Variants in KHDRBS2 observed in about 807,000 individuals in gnomAD.
KHDRBS2 encodes KH domain-containing, RNA-binding, signal transduction-associated protein 2.
In KHDRBS2, 26 loss-of-function variants were observed where a neutral mutation model predicts 44.3. That is an observed-to-expected ratio of 0.59 (90% CI 0.43 to 0.81). KHDRBS2 has a LOEUF of 0.81. Among genes scored for constraint, KHDRBS2 ranks in the 40% least tolerant of loss-of-function variants. KHDRBS2 has a pLI of 0.00. For missense variants in KHDRBS2, 476 were observed against 433.1 expected (o/e 1.10, Z -0.88); for synonymous variants, 194 against 151.1 (o/e 1.28, Z -2.08).
At chr6:62,059,008 A>G (rs1790972320) in intron 2 of KHDRBS2, among the ~76,000 whole-genome samples, 1 of 151,662 alleles carries the variant, frequency 6.6e-6, no homozygotes, top group South Asian at 2.1e-4. Flanking sequence ...AACTTAGGAA[A>G]CATATGAAAG....
At chr6:61,804,190 C>T (rs112376937) in intron 6 of KHDRBS2, among the ~76,000 whole-genome samples, 2,104 of 152,172 alleles carry the variant, frequency 0.014, 46 homozygotes, top group African/African-American at 0.043. Flanking sequence ...TTGGCCAAAA[C>T]GAAGGGACTA....
At chr6:61,852,489 G>A (rs1409281205) in intron 6 of KHDRBS2, among the ~76,000 whole-genome samples, 6 of 151,668 alleles carry the variant, frequency 4.0e-5, no homozygotes, top group East Asian at 3.9e-4. Context: ...ATTTGAACCC[G>A]GGAGGCAGAG....
At chr6:62,169,578 T>C (rs560804885) in intron 2 of KHDRBS2, among the ~76,000 whole-genome samples, 394 of 152,146 alleles carry the variant, frequency 2.6e-3, no homozygotes, top group Non-Finnish European at 4.2e-3. Context: ...AGCTGGGCAG[T>C]AGCCCTTATG....
intron 4 of KHDRBS2, among the ~76,000 whole-genome samples, chr6:61,971,791 CA>C (rs1379136280): frequency 2.0e-5 from 3 of 152,094 alleles, no homozygotes; most frequent in Non-Finnish European, 2.9e-5. Flanking sequence ...CTATTGTTGC[CA>C]CCATCCTTCC....
intron 6 of KHDRBS2, chr6:61,814,157 A>G (rs1468512945): frequency 4.7e-6 from 2 of 424,018 alleles, no homozygotes; most frequent in Non-Finnish European, 9.4e-6. Context: ...GCAAACAGAT[A>G]TCAAGTGAAT....
At chr6:62,140,567 C>G (rs1038800144) in intron 2 of KHDRBS2, among the ~76,000 whole-genome samples, 1 of 152,072 alleles carries the variant, frequency 6.6e-6, no homozygotes, top group East Asian at 1.9e-4. Flanking sequence ...AATTCATAAG[C>G]TTTCTGAAAT....
intron 7 of KHDRBS2, among the ~76,000 whole-genome samples, chr6:61,712,381 C>A (rs1284504641): frequency 1.3e-5 from 2 of 151,708 alleles, no homozygotes; most frequent in Non-Finnish European, 2.9e-5. Flanking sequence ...CATGTGGATG[C>A]AAAAACAACC....
At chr6:61,645,433 A>G in the KHDRBS2 span, among the ~76,000 whole-genome samples, 1 of 151,970 alleles carries the variant, frequency 6.6e-6, no homozygotes, top group Non-Finnish European at 1.5e-5. Context: ...ATGTACCTAC[A>G]TAAGAAACCT....
At chr6:61,802,763 T>C (rs908793893) in intron 6 of KHDRBS2, among the ~76,000 whole-genome samples, 88 of 152,316 alleles carry the variant, frequency 5.8e-4, no homozygotes, top group African/African-American at 2.1e-3. Context: ...GTTTGTGGCC[T>C]CAGGCCTCAC....
rs1056311258 is a variant in KHDRBS2 at position 61,971,621 on chromosome 6, ACT to A, written c.483+6443_483+6444del. ...TCAATATTTTCAAGAGGCTAATCGA[ACT>A]CTCTTTCTCTCTCTCTTCCTCTCCC... is the stretch of plus-strand genomic sequence containing the variant. On this transcript the variant is annotated intron_variant, in intron 4 of 8. Coordinates refer to ENST00000281156, the MANE Select transcript of KHDRBS2 (RefSeq NM_152688.4). 9.8e-4 allele frequency among the ~76,000 whole-genome samples: 149 copies of A among 151,770 alleles called. 1 individual carries two copies. Among genetic ancestry groups the A allele is most frequent in the African/African-American group, 3.3e-3 (138 of 41,426 alleles).
intron 3 of KHDRBS2, among the ~76,000 whole-genome samples, chr6:62,047,100 C>T (rs2127306191): frequency 6.6e-6 from 1 of 152,012 alleles, no homozygotes; most frequent in Non-Finnish European, 1.5e-5. Flanking sequence ...AATATTTAAA[C>T]ATTTCATTCT....
At chr6:62,159,146 C>T (rs1340592398) in intron 2 of KHDRBS2, among the ~76,000 whole-genome samples, 1 of 152,044 alleles carries the variant, frequency 6.6e-6, no homozygotes, top group East Asian at 1.9e-4. Context: ...GTTCAATATG[C>T]TGCACTTAGT....
At chr6:62,181,579 T>C (rs1822319213) in intron 1 of KHDRBS2, among the ~76,000 whole-genome samples, 1 of 151,970 alleles carries the variant, frequency 6.6e-6, no homozygotes, top group Non-Finnish European at 1.5e-5. Flanking sequence ...TTGTACATTA[T>C]TGATGAAAAT....
At chr6:61,547,637 G>T in the KHDRBS2 span, among the ~76,000 whole-genome samples, 1 of 151,930 alleles carries the variant, frequency 6.6e-6, no homozygotes, top group Non-Finnish European at 1.5e-5. Flanking sequence ...GCATCACTTC[G>T]AGAGTTTGAA....
chr6:62,228,065 T>C (rs1344433603), intron 1 of KHDRBS2, among the ~76,000 whole-genome samples: 1 of 152,166 alleles, frequency 6.6e-6, no homozygotes, highest in Admixed American at 6.5e-5. Flanking sequence ...GTCCCTCCTT[T>C]TCTATTGTTT....
chr6:61,836,283 A>G (rs1192567037), intron 6 of KHDRBS2, among the ~76,000 whole-genome samples: 1 of 152,030 alleles, frequency 6.6e-6, no homozygotes, highest in Non-Finnish European at 1.5e-5. Context: ...CTTGTCAACC[A>G]ATGCAGGAAT....
the KHDRBS2 span, chr6:61,574,220 C>A: frequency 9.4e-6 from 7 of 748,364 alleles, no homozygotes; most frequent in Non-Finnish European, 1.4e-5. Flanking sequence ...TCTAGCATTA[C>A]CAGTATTAGA....
At chr6:61,574,380 T>A in the KHDRBS2 span, 2 of 1,526,236 alleles carry the variant, frequency 1.3e-6, no homozygotes, top group Non-Finnish European at 1.8e-6. Flanking sequence ...GCAACTGACC[T>A]GCCCGTGAAG....
chr6:61,718,422 T>C (rs1488784783), intron 7 of KHDRBS2, among the ~76,000 whole-genome samples: 1 of 152,170 alleles, frequency 6.6e-6, no homozygotes, highest in African/African-American at 2.4e-5. Flanking sequence ...CACTAATATG[T>C]ACAATTACTA....
Sources: gnomAD v4.1 joint callset for allele counts (sites outside exome capture counted in the v4.1 genomes callset) on GRCh38, gnomAD v4.1.1 for gene constraint, MANE v1.5 for transcripts, NCBI Gene and HGNC (gene_info 2026-07-23, HGNC 2026-07-21) for gene names.